Variants in C10orf90 observed in about 807,000 individuals in gnomAD.
C10orf90 encodes (E2-independent) E3 ubiquitin-conjugating enzyme FATS.
A neutral mutation model predicts 62.5 loss-of-function variants in C10orf90; 56 were observed. The ratio of observed to expected loss-of-function variants is 0.90; its 90% confidence interval spans 0.72 to 1.12. The LOEUF (loss-of-function observed/expected upper bound fraction) is 1.12. Among genes scored for constraint, C10orf90 ranks in the 50% most tolerant of loss-of-function variants. The pLI, the probability that C10orf90 is intolerant of heterozygous loss-of-function variation, is 0.00. For synonymous variants in C10orf90, 386 were observed against 340.4 expected, an observed-to-expected ratio of 1.13 and a Z score of -1.47; for missense variants, 970 against 880.4, an observed-to-expected ratio of 1.10 and a Z score of -1.29.
chr10:126,568,236 A>G (rs1844433277), intron 2 of C10orf90, among the ~76,000 whole-genome samples: 1 of 152,208 alleles, frequency 6.6e-6, no homozygotes, highest in Non-Finnish European at 1.5e-5. Context: ...CTCTGTGTCC[A>G]GAGTCACACA....
chr10:126,491,164 T>C (rs1449538318), intron 4 of C10orf90, among the ~76,000 whole-genome samples: 1 of 152,120 alleles, frequency 6.6e-6, no homozygotes, highest in Non-Finnish European at 1.5e-5. Context: ...CTGATAGAAA[T>C]TAAAGATTCA....
intron 2 of C10orf90, among the ~76,000 whole-genome samples, chr10:126,555,603 T>A (rs1864747360): frequency 6.6e-6 from 1 of 151,530 alleles, no homozygotes; most frequent in Non-Finnish European, 1.5e-5. Flanking sequence ...CGCTTGAACC[T>A]GGGAGGTGGA....
At chr10:126,599,982 G>T (rs1400409915) in intron 2 of C10orf90, among the ~76,000 whole-genome samples, 2 of 152,218 alleles carry the variant, frequency 1.3e-5, no homozygotes, top group Middle Eastern at 3.2e-3. Flanking sequence ...AGATGTAAAT[G>T]TCTATCTTTT....
At chr10:126,532,227 C>G (rs769377573) in intron 2 of C10orf90, among the ~76,000 whole-genome samples, 2 of 152,168 alleles carry the variant, frequency 1.3e-5, no homozygotes, top group Non-Finnish European at 2.9e-5. Context: ...ACCTGTGGCT[C>G]TATCTGTGGA....
chr10:126,659,465 G>T (rs778952957), intron 1 of C10orf90, among the ~76,000 whole-genome samples: 2 of 152,168 alleles, frequency 1.3e-5, no homozygotes, highest in Non-Finnish European at 2.9e-5. Flanking sequence ...AGCAAGCGAC[G>T]TGTTGTTTAC....
intron 2 of C10orf90, among the ~76,000 whole-genome samples, chr10:126,568,630 A>G (rs1844441637): frequency 3.9e-5 from 6 of 152,188 alleles, no homozygotes; most frequent in Non-Finnish European, 7.3e-5. Context: ...CGTGGGTTCT[A>G]CCCACACATA....
At chr10:126,555,903 CCG>C in intron 2 of C10orf90, among the ~76,000 whole-genome samples, 1 of 152,206 alleles carries the variant, frequency 6.6e-6, no homozygotes, top group Admixed American at 6.5e-5. Context: ...TGACTATACT[CCG>C]CAAAGATATC....
chr10:126,562,126 C>A (rs967085693), intron 2 of C10orf90, among the ~76,000 whole-genome samples: 4 of 152,180 alleles, frequency 2.6e-5, no homozygotes, highest in African/African-American at 9.7e-5. Flanking sequence ...CAGCAGCTTC[C>A]TGCCGGCGTT....
intron 2 of C10orf90, among the ~76,000 whole-genome samples, chr10:126,564,189 G>GCATATGTCATTTGGCATATGA (rs1844247201): frequency 6.6e-6 from 1 of 152,022 alleles, no homozygotes; most frequent in South Asian, 2.1e-4. Flanking sequence ...ATCCGGAGAA[G>GCATATGTCATTTGGCATATGA]CATATGCCAA....
chr10:126,430,696 C>T (rs1224291524), intron 7 of C10orf90, among the ~76,000 whole-genome samples: 1 of 152,152 alleles, frequency 6.6e-6, no homozygotes, highest in African/African-American at 2.4e-5. Context: ...GGGCAGTAAC[C>T]TGCTCATTCA....
At chr10:126,487,520 C>G (rs1403716193) in intron 4 of C10orf90, among the ~76,000 whole-genome samples, 1 of 152,088 alleles carries the variant, frequency 6.6e-6, no homozygotes, top group Non-Finnish European at 1.5e-5. Flanking sequence ...AAATAATTGT[C>G]AACATACCTT....
intron 1 of C10orf90, 59 bp from the exon 2 acceptor site, chr10:126,646,696 C>T (rs959036149): frequency 2.6e-6 from 1 of 386,984 alleles, no homozygotes. Context: ...GATATATAAT[C>T]TTTAATAATG....
intron 2 of C10orf90, among the ~76,000 whole-genome samples, chr10:126,603,883 G>A (rs978626591): frequency 6.6e-6 from 1 of 152,136 alleles, no homozygotes; most frequent in African/African-American, 2.4e-5. Flanking sequence ...GCAGAGGGAG[G>A]AGCCCATCAA....
At chr10:126,666,856 T>C (rs1846638950) in intron 1 of C10orf90, among the ~76,000 whole-genome samples, 1 of 151,384 alleles carries the variant, frequency 6.6e-6, no homozygotes, top group African/African-American at 2.4e-5. Flanking sequence ...GGCGGGTGCT[T>C]GTAATCCCAG....
chr10:126,598,112 A>G (rs1845122317), intron 2 of C10orf90, among the ~76,000 whole-genome samples: 1 of 152,184 alleles, frequency 6.6e-6, no homozygotes, highest in Admixed American at 6.5e-5. Flanking sequence ...GAAAAGGAAG[A>G]AGGCTAACAT....
chr10:126,580,118 C>T (rs547138183), intron 2 of C10orf90, among the ~76,000 whole-genome samples: 2 of 152,082 alleles, frequency 1.3e-5, no homozygotes, highest in South Asian at 2.1e-4. Context: ...CTCTGGTCAG[C>T]GTCCAGAGCT....
In C10orf90 at chr10:126,637,070, G is replaced by A. The variant is rs569316949; in HGVS notation, c.313+9495C>T. Among the ~76,000 whole-genome samples, 283 of 152,236 alleles carry A rather than the reference G, an allele frequency of 1.9e-3. 3 individuals carry two copies. Among genetic ancestry groups the A allele is most frequent in the African/African-American group, 6.6e-3 (273 of 41,552 alleles). On this transcript the variant is annotated intron_variant, in intron 2 of 9. Transcript: ENST00000488181. ...AAACAAATAAACTTCTTTCTTTAAA[G>A]GAGCCGAAAGTCACACCAAAAATAA...
At chr10:126,556,140 C>T (rs534578072) in intron 2 of C10orf90, among the ~76,000 whole-genome samples, 3 of 152,334 alleles carry the variant, frequency 2.0e-5, no homozygotes, top group Admixed American at 1.3e-4. Context: ...GGTCAAGTTA[C>T]ACCAATGTGG....
intron 2 of C10orf90, among the ~76,000 whole-genome samples, chr10:126,543,165 T>C (rs1864416219): frequency 6.6e-6 from 1 of 152,140 alleles, no homozygotes; most frequent in Non-Finnish European, 1.5e-5. Context: ...TAGTATATAG[T>C]TTCATAAAGT....
Sources: gnomAD v4.1 joint callset for allele counts (sites outside exome capture counted in the v4.1 genomes callset) on GRCh38, gnomAD v4.1.1 for gene constraint, MANE v1.5 for transcripts, NCBI Gene and HGNC (gene_info 2026-07-23, HGNC 2026-07-21) for gene names.